The following PACRG variants were observed in gnomAD, a reference collection of about 807,000 sequenced individuals.
PACRG encodes parkin coregulated gene protein.
A neutral mutation model predicts 29.7 loss-of-function variants in PACRG; 29 were observed. The ratio of observed to expected loss-of-function variants is 0.98; its 90% CI spans 0.73 to 1.33. The LOEUF (loss-of-function observed/expected upper bound fraction) is 1.33, where lower values mean the gene tolerates loss of function less well. Ranked by LOEUF, PACRG falls within the 40% of genes most tolerant of loss-of-function variation. PACRG has a pLI of 0.00. For missense variants in PACRG, 279 were observed against 316.2 expected, an observed-to-expected ratio of 0.88 and a Z score of 0.89; for synonymous variants, 116 against 118.7, an observed-to-expected ratio of 0.98 and a Z score of 0.15.
chr6:162,801,479 A>T (rs1785868176), intron 1 of PACRG, among the ~76,000 whole-genome samples: 1 of 152,216 alleles, frequency 6.6e-6, no homozygotes, highest in Admixed American at 6.5e-5. Flanking sequence ...AGAAAAAAAA[A>T]TGCATCATAA....
chr6:162,787,558 T>TTGTGTGTG (rs377437969), intron 1 of PACRG, among the ~76,000 whole-genome samples: 19 of 78,856 alleles, frequency 2.4e-4, no homozygotes, highest in East Asian at 7.0e-4. Flanking sequence ...TATATGGTTA[T>TTGTGTGTG]TGTGTGTGTG....
chr6:162,978,896 A>G (rs1802177211), intron 2 of PACRG, among the ~76,000 whole-genome samples: 2 of 152,216 alleles, frequency 1.3e-5, no homozygotes, highest in Non-Finnish European at 2.9e-5. Context: ...ACTCATCCTT[A>G]GAAGAATTGG....
At chr6:163,182,491 T>A (rs1779718383) in intron 4 of PACRG, 1 of 152,210 alleles carries the variant, frequency 6.6e-6, no homozygotes, top group Non-Finnish European at 1.5e-5. Flanking sequence ...GCTGAAACAG[T>A]CACAAGAGTC....
intron 4 of PACRG, among the ~76,000 whole-genome samples, chr6:163,098,011 G>A (rs1445825938): frequency 6.6e-6 from 1 of 152,170 alleles, no homozygotes; most frequent in Non-Finnish European, 1.5e-5. Context: ...GATATTTGGG[G>A]TGAAATATTT....
Position 163,196,813 on chromosome 6 carries a change from CAAAT to C in PACRG, c.613+107407_613+107410del, listed in dbSNP as rs58921843. ...CAGAAAGACTAGACAGACAGACAGA[CAAAT>C]AGATAAACAGGTAGAAAGAAAGACT... On this transcript the variant is annotated intron_variant, in intron 4 of 4. Transcript: ENST00000366888. Among the ~76,000 whole-genome samples, 1,360 of 151,798 alleles carry C rather than the reference CAAAT, an allele frequency of 9.0e-3. 19 individuals carry two copies. The highest frequency in any genetic ancestry group is 0.031 in the African/African-American group (1,292 of 41,362).
intron 4 of PACRG, among the ~76,000 whole-genome samples, chr6:163,144,082 A>C (rs548739594): frequency 6.6e-6 from 1 of 152,010 alleles, no homozygotes; most frequent in South Asian, 2.1e-4. Flanking sequence ...TACAAAAATT[A>C]GCCAGGTGTG....
chr6:162,889,363 C>A (rs928540620), intron 2 of PACRG, among the ~76,000 whole-genome samples: 3 of 152,066 alleles, frequency 2.0e-5, no homozygotes, highest in African/African-American at 4.8e-5. Flanking sequence ...AAATTGAAAA[C>A]CCAGCTTTAA....
At chr6:162,783,102 T>C (rs775769275) in intron 1 of PACRG, among the ~76,000 whole-genome samples, 3 of 151,930 alleles carry the variant, frequency 2.0e-5, no homozygotes, top group Non-Finnish European at 4.4e-5. Context: ...CTCATCCTTT[T>C]TTTGTGATTG....
chr6:162,866,092 A>G (rs966517654), intron 2 of PACRG, among the ~76,000 whole-genome samples: 3 of 152,218 alleles, frequency 2.0e-5, no homozygotes, highest in Admixed American at 6.5e-5. Flanking sequence ...TTGAAGCAGA[A>G]TTGATTTCCT....
At chr6:162,782,803 T>C (rs943006005) in intron 1 of PACRG, among the ~76,000 whole-genome samples, 11 of 151,950 alleles carry the variant, frequency 7.2e-5, no homozygotes, top group Middle Eastern at 6.8e-3. Flanking sequence ...GTCAAAAGCT[T>C]TTATGGAAGC....
chr6:163,184,807 AAGAG>A (rs1779841912), intron 4 of PACRG: 1 of 152,310 alleles, frequency 6.6e-6, no homozygotes, highest in Admixed American at 6.5e-5. Context: ...GAGACACAAA[AAGAG>A]AGAGAAAGCT....
chr6:163,244,629 C>T (rs184699026), intron 4 of PACRG, among the ~76,000 whole-genome samples: 4 of 152,316 alleles, frequency 2.6e-5, no homozygotes, highest in South Asian at 2.1e-4. Context: ...AAGTCCCATA[C>T]TGTGGAAGCT....
At chr6:162,974,226 C>T (rs1801769485) in intron 2 of PACRG, among the ~76,000 whole-genome samples, 1 of 152,156 alleles carries the variant, frequency 6.6e-6, no homozygotes, top group Non-Finnish European at 1.5e-5. Context: ...CCATATGCCA[C>T]CTCTGTAATA....
chr6:162,775,289 A>G (rs1042277062), intron 1 of PACRG, among the ~76,000 whole-genome samples: 1 of 152,172 alleles, frequency 6.6e-6, no homozygotes, highest in African/African-American at 2.4e-5. Context: ...GACCCAGTTT[A>G]TAGTATTTTG....
chr6:163,249,656 G>A lies in PACRG; in HGVS notation c.614-65171G>A, dbSNP rs375915887. On this transcript the variant is annotated intron_variant, in intron 4 of 4. Coordinates refer to ENST00000366888, the MANE Select transcript of PACRG (RefSeq NM_001080379.2). ...GGTCTCCGGGTGCTGTGGAGATTGT[G>A]TCGGATGCCAGGCCACGAAGACTTA... Among the ~76,000 whole-genome samples the A allele has an allele frequency of 2.5e-4, 38 of 152,320 alleles. No homozygotes were observed. The East Asian group carries it at 3.1e-3, about 12-fold the overall frequency.
chr6:162,864,352 G>T (rs1792117932), intron 2 of PACRG, among the ~76,000 whole-genome samples: 1 of 152,042 alleles, frequency 6.6e-6, no homozygotes, highest in Non-Finnish European at 1.5e-5. Context: ...AATAACTCTA[G>T]GATAAACAAA....
chr6:163,096,042 C>CT (rs1207010041), intron 4 of PACRG, among the ~76,000 whole-genome samples: 3 of 152,216 alleles, frequency 2.0e-5, no homozygotes, highest in African/African-American at 7.2e-5. Context: ...AAAACTCCCT[C>CT]TTTCAACAAC....
intron 2 of PACRG, among the ~76,000 whole-genome samples, chr6:163,050,428 G>A (rs550362079): frequency 2.6e-5 from 4 of 151,812 alleles, no homozygotes; most frequent in Non-Finnish European, 4.4e-5. Flanking sequence ...TTATAAACCC[G>A]CCATATTGAT....
At chr6:163,267,172 T>C (rs969624027) in intron 4 of PACRG, among the ~76,000 whole-genome samples, 1 of 152,164 alleles carries the variant, frequency 6.6e-6, no homozygotes, top group African/African-American at 2.4e-5. Context: ...CACTCGTTGG[T>C]GCTGGGTAGG....
Sources: allele counts gnomAD v4.1 joint callset (sites outside exome capture counted in the v4.1 genomes callset), GRCh38; gene constraint gnomAD v4.1.1; transcripts MANE v1.5; gene names NCBI Gene and HGNC (gene_info 2026-07-23, HGNC 2026-07-21).